RAP1GAP: variants seen among roughly 807,000 people sequenced by gnomAD.
The protein encoded by RAP1GAP is RAP1 GTPase activating protein.
Under a neutral mutation model 87.2 loss-of-function variants are expected in RAP1GAP, and 35 were observed. The ratio of observed to expected loss-of-function variants is 0.40; its 90% CI spans 0.31 to 0.53. The LOEUF (loss-of-function observed/expected upper bound fraction) is 0.53. RAP1GAP is among the 20% of genes least tolerant of loss of function. The probability of loss-of-function intolerance (pLI) is 0.48; values close to 1 mark genes in which losing one functional copy is unlikely to be tolerated. For missense variants in RAP1GAP, 734 were observed against 898.9 expected, an observed-to-expected ratio of 0.82 and a Z score of 2.35; for synonymous variants, 375 against 363.9, an observed-to-expected ratio of 1.03 and a Z score of -0.35.
Position 21,668,965 on chromosome 1 carries a change from G to T in RAP1GAP, c.-149+289C>A, listed in dbSNP as rs968960103. Among the ~76,000 whole-genome samples, 35 of 151,630 alleles carry T rather than the reference G, an allele frequency of 2.3e-4. No individual in the cohort carries two copies. The highest frequency in any genetic ancestry group is 7.7e-4 in the African/African-American group (32 of 41,348). On this transcript the variant is annotated intron_variant, in intron 1 of 24. Transcript: ENST00000374765. This position sits in a 1 kb window ranked among gnomAD's most constrained non-coding sequence, Gnocchi z 6.2. ...AACTGGACTCCCCACCCACCCAGGGGGGTGGGACCAAAGCCCCCTGGCCGC... is the reference window on the plus strand; with the variant it reads ...AACTGGACTCCCCACCCACCCAGGGTGGTGGGACCAAAGCCCCCTGGCCGC...
chr1:21,608,792 G>T, intron 16 of RAP1GAP, 58 bp downstream of exon 16: 1 of 1,514,796 alleles, frequency 6.6e-7, no homozygotes, highest in South Asian at 1.1e-5. Context: ...GGACAGGGCT[G>T]AAGTTATAGG....
rs894450845 is a variant in RAP1GAP at position 21,603,212 on chromosome 1, T to A, written c.1429-299A>T. 4.8e-6 allele frequency: 2 copies of A among 420,388 alleles called. No homozygotes were observed. The highest frequency in any genetic ancestry group is 8.6e-6 in the Non-Finnish European group (2 of 233,546). 26.0% of individuals were successfully genotyped at this position (420,388 alleles called of 1,614,324 possible). On this transcript the variant is annotated intron_variant, in intron 18 of 24. Transcript: ENST00000374765. The surrounding 1 kb of genome is among the most constrained non-coding windows in gnomAD (Gnocchi z 6.0). ...GAGGAGGCCGAGTCCTCAGAATGGC[T>A]ACCGCTCCCCGCCCCCCAGGGCTCT...
intron 16 of RAP1GAP, 115 bp downstream of exon 16, chr1:21,608,735 G>C: frequency 9.8e-7 from 1 of 1,017,328 alleles, no homozygotes; most frequent in Admixed American, 1.9e-5. Flanking sequence ...CCAGCCCCAG[G>C]TGTCCCCGCT....
chr1:21,613,281 G>C lies in RAP1GAP; in HGVS notation c.475-52C>G. ...TGAGGTGTGGGGCCAGGGAGGAGAGGATGGGGCTGCCTGGGCCTCCCTGGT... is the reference window on the plus strand; with the variant it reads ...TGAGGTGTGGGGCCAGGGAGGAGAGCATGGGGCTGCCTGGGCCTCCCTGGT... On this transcript the variant is annotated intron_variant, in intron 9 of 24. Coordinates refer to ENST00000374765, the MANE Select transcript of RAP1GAP (RefSeq NM_002885.4). The surrounding 1 kb of genome is among the most constrained non-coding windows in gnomAD (Gnocchi z 4.7). 65 of 1,441,970 alleles carry C rather than the reference G, an allele frequency of 4.5e-5. No homozygotes were observed. Among genetic ancestry groups the C allele is most frequent in the Middle Eastern group, 1.7e-4 (1 of 5,734 alleles). The allele number at this position is 1,441,970 out of a possible 1,614,324, so 89.3% of individuals were successfully genotyped here. A position where few individuals can be genotyped will look rare whatever the true frequency, so the allele number is the denominator to read the frequency against.
At position 21,599,604 on chromosome 1, in the gene RAP1GAP, C is replaced by G. The variant is rs139593866; in HGVS notation, c.1666G>C (p.Ala556Pro). The G allele has an allele frequency of 2.5e-6, 4 of 1,606,036 alleles. No individual in the cohort carries two copies. Among genetic ancestry groups the G allele is most frequent in the Admixed American group, 3.3e-5 (2 of 59,962 alleles). Residue 556 changes from alanine (A) to proline (P), a missense_variant, in exon 21 of 25, where the codon GCG (alanine) becomes CCG (proline). Around this residue, in one of 2 missense-constraint regions of RAP1GAP, gnomAD observed 249 missense variants for 252.7 expected, o/e 0.99. Transcript: ENST00000374765. ...PTTKNRAETA[A>P]QRAEALKDFS... ...TCCTTGAGCGCCTCTGCTCTCTGCG[C>G]TGCGGTCTCCGCTCTGCCACAGACA... is the stretch of plus-strand genomic sequence containing the variant.
rs970992783 is a variant in RAP1GAP at position 21,635,659 on chromosome 1, A to G, written c.-112-9262T>C. ...CTGGGGTTGCTGCCTCATAGGCTCCAGGCCAGTCTGGTGAGCAGAAGTCCC... is the reference window on the plus strand; with the variant it reads ...CTGGGGTTGCTGCCTCATAGGCTCCGGGCCAGTCTGGTGAGCAGAAGTCCC... On this transcript the variant is annotated intron_variant, in intron 2 of 24. Transcript: ENST00000374765. Among the ~76,000 whole-genome samples the G allele has an allele frequency of 6.5e-4, 99 of 152,216 alleles. 1 individual carries two copies. The highest frequency in any genetic ancestry group is 9.2e-4 in the Admixed American group (14 of 15,290).
chr1:21,616,190 C>CACAT (rs758719299), intron 7 of RAP1GAP, among the ~76,000 whole-genome samples: 4,503 of 134,960 alleles, frequency 0.033, 148 homozygotes, highest in Non-Finnish European at 0.053. Flanking sequence ...CACACACACA[C>CACAT]ATACAATGAC....
chr1:21,664,950 C>T (rs940532599), intron 1 of RAP1GAP, among the ~76,000 whole-genome samples: 3 of 152,108 alleles, frequency 2.0e-5, no homozygotes, highest in Admixed American at 6.6e-5. Context: ...CTCGTCATCC[C>T]CGTTCTAGGG....
intron 1 of RAP1GAP, among the ~76,000 whole-genome samples, chr1:21,655,871 G>A (rs147464355): frequency 6.6e-6 from 1 of 152,312 alleles, no homozygotes; most frequent in Non-Finnish European, 1.5e-5. Context: ...GGGAGAGGGA[G>A]GAGCAAACCC....
intron 2 of RAP1GAP, among the ~76,000 whole-genome samples, chr1:21,637,602 G>C (rs967714157): frequency 6.6e-6 from 1 of 152,052 alleles, no homozygotes; most frequent in Non-Finnish European, 1.5e-5. Context: ...AATGCATAAA[G>C]ATATATGAAC....
Position 21,612,995 on chromosome 1 carries a change from G to A in RAP1GAP, c.528+181C>T, listed in dbSNP as rs2079373984. The A allele has an allele frequency of 4.4e-6, 3 of 677,080 alleles. No individual in the cohort carries two copies. The Admixed American group carries it at 6.8e-5, about 15-fold the overall frequency. The allele number at this position is 677,080 out of a possible 1,614,324, so 41.9% of individuals were successfully genotyped here. A position where few individuals can be genotyped will look rare whatever the true frequency, so the allele number is the denominator to read the frequency against. On this transcript the variant is annotated intron_variant, in intron 10 of 24. Coordinates refer to ENST00000374765, the MANE Select transcript of RAP1GAP (RefSeq NM_002885.4). ...CCCTCCTATCTGCTGTGCACCCTGG[G>A]GGAAGGCACAGGCCCTTTCGGTGGC...
chr1:21,636,594 G>A lies in RAP1GAP; in HGVS notation c.-112-10197C>T, dbSNP rs566951493. 5.9e-5 allele frequency among the ~76,000 whole-genome samples: 9 copies of A among 152,046 alleles called. No individual in the cohort carries two copies. The South Asian group carries it at 1.2e-3, about 21-fold the overall frequency. ...GGCTGAGGCAGGCGGATCACCTGAG[G>A]TCGGGAGTTTGAGACCAGCCTGACC... On this transcript the variant is annotated intron_variant, in intron 2 of 24. Transcript: ENST00000374765.
chr1:21,655,387 C>T (rs534788891), intron 1 of RAP1GAP, among the ~76,000 whole-genome samples: 16 of 152,058 alleles, frequency 1.1e-4, no homozygotes, highest in African/African-American at 2.6e-4. Flanking sequence ...CCAGGACTGA[C>T]ACACACACAC....
rs1028557922 is a variant in RAP1GAP at position 21,609,752 on chromosome 1, A to C, written c.1000-106T>G. ...TCCCTGGACTGCCCCTTGGTCGGGGAGACCCAGTGACTGTGGGCTGGATGA... is the reference window on the plus strand; with the variant it reads ...TCCCTGGACTGCCCCTTGGTCGGGGCGACCCAGTGACTGTGGGCTGGATGA... On this transcript the variant is annotated intron_variant, in intron 14 of 24. Coordinates refer to ENST00000374765, the MANE Select transcript of RAP1GAP (RefSeq NM_002885.4). The surrounding 1 kb of genome is among the most constrained non-coding windows in gnomAD (Gnocchi z 4.4). 8 of 808,728 alleles carry C rather than the reference A, an allele frequency of 9.9e-6. No individual in the cohort carries two copies. The highest frequency in any genetic ancestry group is 1.1e-5 in the Non-Finnish European group (6 of 528,120). 50.1% of individuals were successfully genotyped at this position (808,728 alleles called of 1,614,324 possible). A position where few individuals can be genotyped will look rare whatever the true frequency, so the allele number is the denominator to read the frequency against.
chr1:21,665,096 C>T (rs1433363047), intron 1 of RAP1GAP: 1 of 338,864 alleles, frequency 3.0e-6, no homozygotes, highest in Non-Finnish European at 6.2e-6. Context: ...TGGGCACTGC[C>T]CTCAGTGTTT....
intron 18 of RAP1GAP, 91 bp downstream of exon 18, chr1:21,605,975 A>C: frequency 7.0e-7 from 1 of 1,430,652 alleles, no homozygotes. Context: ...GCAGGGCAAC[A>C]GAGAGAGTTG....
chr1:21,600,373 C>G (rs1172211731), intron 20 of RAP1GAP, among the ~76,000 whole-genome samples: 2 of 152,192 alleles, frequency 1.3e-5, no homozygotes, highest in African/African-American at 2.4e-5. Flanking sequence ...ACCTACCCGG[C>G]TCTTTAGCCT....
intron 2 of RAP1GAP, among the ~76,000 whole-genome samples, chr1:21,633,728 C>G (rs1041808003): frequency 8.5e-5 from 13 of 152,104 alleles, no homozygotes; most frequent in African/African-American, 3.1e-4. Context: ...CAGCCTGGAA[C>G]AGGGGCCTGA....
At chr1:21,667,072 T>C (rs1350117697) in intron 1 of RAP1GAP, among the ~76,000 whole-genome samples, 2 of 152,180 alleles carry the variant, frequency 1.3e-5, no homozygotes, top group Non-Finnish European at 2.9e-5. Flanking sequence ...CGTTTGTGTC[T>C]GGCCGTGCTC....
Sources: allele counts gnomAD v4.1 joint callset (sites outside exome capture counted in the v4.1 genomes callset), GRCh38; gene constraint gnomAD v4.1.1; regional missense constraint gnomAD v4.1.1; non-coding constraint Gnocchi (gnomAD v3.1); transcripts MANE v1.5; gene names NCBI Gene and HGNC (gene_info 2026-07-23, HGNC 2026-07-21).